IL17RD: variants seen among roughly 807,000 people sequenced by gnomAD.
IL17RD encodes the protein interleukin-17 receptor D.
Under a neutral mutation model 80.5 loss-of-function variants are expected in IL17RD, and 52 were observed. That is an observed-to-expected ratio of 0.65 (90% CI 0.52 to 0.81). IL17RD has a LOEUF of 0.81. Among genes scored for constraint, IL17RD ranks in the 40% least tolerant of loss-of-function variants. The pLI is 0.00. For missense variants in IL17RD, 1,024 were observed against 955.1 expected, an observed-to-expected ratio of 1.07 and a Z score of -0.95; for synonymous variants, 416 against 391.8, an observed-to-expected ratio of 1.06 and a Z score of -0.73.
At chr3:57,097,557 G>C in intron 12 of IL17RD, 39 bp downstream of exon 12, 1 of 1,461,620 alleles carries the variant, frequency 6.8e-7, no homozygotes. Context: ...ATGGTCAAAG[G>C]CTGCGGCCTG....
chr3:57,140,181 G>A (rs1707803109), intron 1 of IL17RD, among the ~76,000 whole-genome samples: 1 of 152,144 alleles, frequency 6.6e-6, no homozygotes, highest in African/African-American at 2.4e-5. Flanking sequence ...GAGAACCCAT[G>A]TCTTGATGTT....
Position 57,109,626 on chromosome 3 carries a change from T to G in IL17RD, c.461A>C (p.Lys154Thr), listed in dbSNP as rs764243367. ...GMESQPFLNM[K>T]FETDYFVKVV... ...CTTTACGAAATAATCCGTTTCAAAT[T>G]TCATATTCAGGAAAGGTTGAGATTC... The change falls in exon 5 of 13, where the codon AAA becomes ACA. Residue 154 changes from lysine (K) to threonine (T), a missense_variant. Physicochemically the swap from Lys to Thr is moderately conservative, Grantham distance 78. Coordinates refer to ENST00000296318, the MANE Select transcript of IL17RD (RefSeq NM_017563.5). The G allele has an allele frequency of 2.5e-6, 4 of 1,613,442 alleles. No homozygotes were observed. Among genetic ancestry groups the G allele is most frequent in the Non-Finnish European group, 3.4e-6 (4 of 1,179,640 alleles).
chr3:57,156,741 C>T (rs999345613), intron 1 of IL17RD, among the ~76,000 whole-genome samples: 5 of 152,084 alleles, frequency 3.3e-5, no homozygotes, highest in African/African-American at 1.2e-4. Context: ...CTTCAAGGTG[C>T]CCTGTTATCT....
chr3:57,122,370 G>A (rs1707359136), intron 1 of IL17RD, among the ~76,000 whole-genome samples: 1 of 152,148 alleles, frequency 6.6e-6, no homozygotes, highest in South Asian at 2.1e-4. Context: ...TCTACTCTAG[G>A]GGTCCCCAAC....
At chr3:57,165,360 T>TGGACGCGGC, upstream of IL17RD, 1 of 1,159,136 alleles carries the variant, frequency 8.6e-7, no homozygotes, top group Non-Finnish European at 1.1e-6. Flanking sequence ...GAGTGGGCGG[T>TGGACGCGGC]GGCCGCGGCG....
intron 1 of IL17RD, among the ~76,000 whole-genome samples, chr3:57,150,742 C>G (rs556017602): frequency 6.6e-6 from 1 of 152,106 alleles, no homozygotes; most frequent in Admixed American, 6.6e-5. Flanking sequence ...AACAAAAACT[C>G]AAAATATTTT....
Position 57,114,777 on chromosome 3 carries a change from A to T in IL17RD, c.225T>A (p.Ile75=). ...TYLNPVGKHV[I]ADAQNITISQ... ...TGATGGTGATATTCTGGGCGTCAGC[A>T]ATCACATGCTTCCCCACTGGATTCA... Residue 75 remains isoleucine (I), a synonymous_variant, in exon 3 of 13, where the codon ATT becomes ATA. Coordinates refer to ENST00000296318, the MANE Select transcript of IL17RD (RefSeq NM_017563.5). 6.2e-7 allele frequency: 1 copy of T among 1,611,296 alleles called. No individual in the cohort carries two copies. Among genetic ancestry groups the T allele is most frequent in the Non-Finnish European group, 8.5e-7 (1 of 1,178,614 alleles).
chr3:57,102,329 A>G (rs1441681319), intron 10 of IL17RD, 150 bp downstream of exon 10: 8 of 422,132 alleles, frequency 1.9e-5, no homozygotes, highest in Admixed American at 4.1e-5. Flanking sequence ...TAAAAGCCAA[A>G]TATTTTAATT....
intron 3 of IL17RD, among the ~76,000 whole-genome samples, chr3:57,113,300 C>T (rs1004097589): frequency 6.6e-6 from 1 of 152,154 alleles, no homozygotes; most frequent in Non-Finnish European, 1.5e-5. Flanking sequence ...CGCAATGGTG[C>T]GATCTCGGCT....
At chr3:57,141,902 G>C (rs1707835630) in intron 1 of IL17RD, among the ~76,000 whole-genome samples, 1 of 152,168 alleles carries the variant, frequency 6.6e-6, no homozygotes, top group Non-Finnish European at 1.5e-5. Context: ...CTGGAACACT[G>C]TTATCTGATT....
Position 57,098,260 on chromosome 3 carries a change from A to G in IL17RD, c.1443T>C (p.Asp481=). 6.2e-7 allele frequency: 1 copy of G among 1,613,940 alleles called. No homozygotes were observed. ...ALSKFIAVYF[D]YSCEGDVPGI... ...CGGGGACGTCTCCCTCGCAGGAATA[A>G]TCAAAGTAGACGGCGATAAACTTGC... The change falls in exon 12 of 13, where the codon GAT becomes GAC. Residue 481 remains aspartate, a synonymous_variant. Coordinates refer to ENST00000296318, the MANE Select transcript of IL17RD (RefSeq NM_017563.5).
intron 1 of IL17RD, among the ~76,000 whole-genome samples, chr3:57,140,338 A>G (rs1234700897): frequency 6.6e-6 from 1 of 152,166 alleles, no homozygotes; most frequent in Non-Finnish European, 1.5e-5. Flanking sequence ...TTAACCAGAT[A>G]CTCCTAACCA....
intron 1 of IL17RD, among the ~76,000 whole-genome samples, chr3:57,137,334 G>A (rs1707749793): frequency 6.6e-6 from 1 of 152,316 alleles, no homozygotes; most frequent in Admixed American, 6.5e-5. Flanking sequence ...GGTACATCTT[G>A]GAGACAGGCA....
Position 57,165,244 on chromosome 3 carries a change from T to C in IL17RD, c.43A>G (p.Asn15Asp). The C allele has an allele frequency of 6.5e-7, 1 of 1,528,758 alleles. No individual in the cohort carries two copies. Among genetic ancestry groups the C allele is most frequent in the Non-Finnish European group, 8.8e-7 (1 of 1,138,194 alleles). The allele number at this position is 1,528,758 out of a possible 1,614,324, so 94.7% of individuals were successfully genotyped here. A position where few individuals can be genotyped will look rare whatever the true frequency, so the allele number is the denominator to read the frequency against. Residue 15 changes from asparagine (N) to aspartate (D), a missense_variant, in exon 1 of 13, where the codon AAC (asparagine) becomes GAC (aspartate). Coordinates refer to ENST00000296318, the MANE Select transcript of IL17RD (RefSeq NM_017563.5). ...LQLCSVFFTVNACLNGSQLAV... is the reference protein window; with the variant it reads ...LQLCSVFFTVDACLNGSQLAV... ...AGCTGCGAGCCGTTGAGGCAGGCGTTGACCGTAAAGAAGACGGAGCAGAGC... is the reference window on the plus strand; with the variant it reads ...AGCTGCGAGCCGTTGAGGCAGGCGTCGACCGTAAAGAAGACGGAGCAGAGC...
chr3:57,093,269 A>G lies in IL17RD; in HGVS notation c.*3124T>C, dbSNP rs986513088. 6.6e-6 allele frequency: 1 copy of G among 152,232 alleles called. No individual in the cohort carries two copies. Among genetic ancestry groups the G allele is most frequent in the Admixed American group, 6.5e-5 (1 of 15,286 alleles). 9.4% of individuals were successfully genotyped at this position (152,232 alleles called of 1,614,324 possible). A position where few individuals can be genotyped will look rare whatever the true frequency, so the allele number is the denominator to read the frequency against. On this transcript the variant is annotated 3_prime_UTR_variant, in exon 13 of 13. Transcript: ENST00000296318. The stretch of plus-strand genomic sequence containing the variant: ...AGTCTTCACCAATAGAAAATAAAAA[A>G]GACTAGTAACCTTCACATTGGCATT...
chr3:57,131,714 G>C (rs555925467), intron 1 of IL17RD, among the ~76,000 whole-genome samples: 10 of 152,170 alleles, frequency 6.6e-5, no homozygotes, highest in Non-Finnish European at 7.4e-5. Flanking sequence ...TTTTTATTTG[G>C]GGGAGAACTG....
intron 5 of IL17RD, among the ~76,000 whole-genome samples, chr3:57,108,509 C>CTTTTTTTTT (rs34594516): frequency 1.6e-4 from 8 of 49,162 alleles, no homozygotes; most frequent in East Asian, 7.8e-4. Context: ...TGATACATGG[C>CTTTTTTTTT]TTTTTTTTTT....
At chr3:57,130,357 T>C (rs546145391) in intron 1 of IL17RD, among the ~76,000 whole-genome samples, 2 of 152,328 alleles carry the variant, frequency 1.3e-5, no homozygotes, top group South Asian at 4.1e-4. Flanking sequence ...ACCCTCCAAC[T>C]ACCTCTCCAG....
At chr3:57,129,049 C>A (rs567884070) in intron 1 of IL17RD, among the ~76,000 whole-genome samples, 1 of 152,294 alleles carries the variant, frequency 6.6e-6, no homozygotes, top group East Asian at 1.9e-4. Context: ...TTTCCCTCCG[C>A]TTCGCACACC....
Sources: gnomAD v4.1 joint callset for allele counts (sites outside exome capture counted in the v4.1 genomes callset) on GRCh38, gnomAD v4.1.1 for gene constraint, MANE v1.5 for transcripts, NCBI Gene and HGNC (gene_info 2026-07-23, HGNC 2026-07-21) for gene names.